Variants in ARFGEF2 observed in about 807,000 individuals in gnomAD.
ARFGEF2 encodes brefeldin A-inhibited guanine nucleotide-exchange protein 2.
Under a neutral mutation model 219.9 loss-of-function variants are expected in ARFGEF2, and 74 were observed. The observed-to-expected ratio is 0.34, with a 90% CI of 0.28 to 0.41. ARFGEF2 has a LOEUF of 0.41. Ranked by LOEUF, ARFGEF2 falls within the 10% of genes least tolerant of loss-of-function variation. The probability of loss-of-function intolerance (pLI) is 1.00; values close to 1 mark genes in which losing one functional copy is unlikely to be tolerated. For synonymous variants in ARFGEF2, 733 were observed against 799.2 expected (o/e 0.92, Z 1.40); for missense variants, 1,743 against 2,218.3 (o/e 0.79, Z 4.30).
chr20:48,976,892 A>G (rs1442651681), intron 14 of ARFGEF2, among the ~76,000 whole-genome samples: 1 of 152,144 alleles, frequency 6.6e-6, no homozygotes. Flanking sequence ...ATTTCAGCAT[A>G]CCAAAACATT....
rs2091344393 is a variant in ARFGEF2, at chr20:48,989,371, G to A, written c.2620G>A (p.Val874Met). 1 of 1,614,252 alleles carries A rather than the reference G, an allele frequency of 6.2e-7. No homozygotes were observed. Residue 874 changes from valine to methionine, a missense_variant, in exon 19 of 39, where the codon GTG becomes ATG. Physicochemically the swap from Val to Met is conservative, Grantham distance 21 (BLOSUM62 1). Around this residue, in one of 5 missense-constraint regions of ARFGEF2, gnomAD observed 666 missense variants for 955.4 expected, o/e 0.70. Transcript: ENST00000371917. ...AKTAKALMEA[V>M]SHAKAPFTSA... The stretch of plus-strand genomic sequence containing the variant: ...AACAGCCAAAGCTCTGATGGAGGCT[G>A]TGAGCCATGCCAAAGCCCCGTTTAC...
intron 2 of ARFGEF2, 126 bp from the exon 3 acceptor site, chr20:48,941,738 T>C: frequency 3.5e-6 from 5 of 1,431,912 alleles, no homozygotes; most frequent in Non-Finnish European, 9.8e-7. Context: ...ATTCAACTTT[T>C]AATGCCTAGC....
intron 14 of ARFGEF2, among the ~76,000 whole-genome samples, chr20:48,977,026 G>A (rs953061351): frequency 2.0e-5 from 3 of 150,756 alleles, no homozygotes; most frequent in Admixed American, 2.0e-4. Context: ...TGTGCACAAC[G>A]TGCAGGTTTG....
At chr20:49,029,989 C>T (rs1442296177) in intron 37 of ARFGEF2, among the ~76,000 whole-genome samples, 1 of 149,384 alleles carries the variant, frequency 6.7e-6, no homozygotes, top group Non-Finnish European at 1.5e-5. Context: ...CTCACTGCCA[C>T]CTCTGCCTCC....
Position 48,988,472 on chromosome 20 carries a change from T to A in ARFGEF2, c.2362-19T>A. 1.9e-6 allele frequency: 3 copies of A among 1,611,014 alleles called. No homozygotes were observed. The East Asian group carries it at 6.7e-5, about 36-fold the overall frequency. The stretch of plus-strand genomic sequence containing the variant: ...AATTGGATGTTTTTTAAATGGTTTT[T>A]AATTTTTTTTAATTACAGGTAAAAA... On this transcript the variant is annotated intron_variant, in intron 17 of 38. Coordinates refer to ENST00000371917, the MANE Select transcript of ARFGEF2 (RefSeq NM_006420.3).
intron 3 of ARFGEF2, among the ~76,000 whole-genome samples, chr20:48,944,297 G>A (rs1431655653): frequency 1.3e-5 from 2 of 152,138 alleles, no homozygotes; most frequent in Non-Finnish European, 2.9e-5. Flanking sequence ...CTTTTGAAGG[G>A]AGTGCTGATA....
intron 35 of ARFGEF2, 43 bp downstream of exon 35, chr20:49,023,224 G>A: frequency 1.2e-6 from 2 of 1,612,284 alleles, no homozygotes; most frequent in Non-Finnish European, 1.7e-6. Context: ...TGTCCATAGG[G>A]AGGTTGCTTT....
chr20:49,013,221 C>T (rs749868831), intron 28 of ARFGEF2, among the ~76,000 whole-genome samples: 2 of 152,116 alleles, frequency 1.3e-5, no homozygotes, highest in Non-Finnish European at 2.9e-5. Context: ...CAGTAACATT[C>T]CAGAAAGACC....
chr20:48,933,877 T>G (rs1415190081), intron 1 of ARFGEF2, among the ~76,000 whole-genome samples: 1 of 152,010 alleles, frequency 6.6e-6, no homozygotes, highest in Non-Finnish European at 1.5e-5. Flanking sequence ...CCCAGCACTT[T>G]GGAAGGCTGA....
chr20:48,973,057 G>C, intron 11 of ARFGEF2, 88 bp from the exon 12 acceptor site: 1 of 1,507,764 alleles, frequency 6.6e-7, no homozygotes, highest in African/African-American at 1.4e-5. Context: ...AGTTCACTGG[G>C]GAAATTTGTT....
At position 48,971,444 on chromosome 20, in the gene ARFGEF2, T is replaced by G; in HGVS notation, c.1425+90T>G. ...TCAATATTGAGAATGCTGCTAATATTACACTAAGCATTAGGAAAATGGTTC... is the reference window on the plus strand; with the variant it reads ...TCAATATTGAGAATGCTGCTAATATGACACTAAGCATTAGGAAAATGGTTC... On this transcript the variant is annotated intron_variant, in intron 10 of 38. Transcript: ENST00000371917. 8 of 1,057,196 alleles carry G rather than the reference T, an allele frequency of 7.6e-6. No homozygotes were observed. In the South Asian group the frequency reaches 1.1e-4, roughly 15 times the overall value. 65.5% of individuals were successfully genotyped at this position (1,057,196 alleles called of 1,614,324 possible).
At chr20:48,979,298 A>G (rs999943044) in intron 14 of ARFGEF2, among the ~76,000 whole-genome samples, 2 of 152,132 alleles carry the variant, frequency 1.3e-5, no homozygotes, top group African/African-American at 4.8e-5. Flanking sequence ...TGTATGTTGA[A>G]CCAGCCTTGC....
chr20:48,997,680 T>A (rs2091400501), intron 23 of ARFGEF2, among the ~76,000 whole-genome samples: 1 of 152,172 alleles, frequency 6.6e-6, no homozygotes, highest in Non-Finnish European at 1.5e-5. Context: ...TACCACATCA[T>A]TTATTTCGGT....
intron 1 of ARFGEF2, among the ~76,000 whole-genome samples, chr20:48,936,690 AATTTTTTTAT>A (rs1742268581): frequency 6.6e-6 from 1 of 151,862 alleles, no homozygotes. Context: ...ACGCCCAGCT[AATTTTTTTAT>A]ATTTTTAGTA....
chr20:49,017,623 G>A, intron 33 of ARFGEF2, 73 bp downstream of exon 33: 1 of 1,521,636 alleles, frequency 6.6e-7, no homozygotes, highest in East Asian at 2.3e-5. Context: ...AGCCTGTATA[G>A]TTTGTACTTT....
chr20:48,996,397 G>A (rs1036198228), intron 23 of ARFGEF2, among the ~76,000 whole-genome samples: 11 of 149,522 alleles, frequency 7.4e-5, no homozygotes, highest in African/African-American at 2.7e-4. Flanking sequence ...AGAGCTTGCA[G>A]TGAGCGGAGA....
chr20:48,937,640 C>G (rs902583422), intron 1 of ARFGEF2, among the ~76,000 whole-genome samples: 22 of 152,134 alleles, frequency 1.4e-4, no homozygotes, highest in Non-Finnish European at 3.1e-4. Flanking sequence ...TTTAGAAAAC[C>G]AAAGAAAATC....
intron 11 of ARFGEF2, 80 bp from the exon 12 acceptor site, chr20:48,973,062 TTTG>T: frequency 1.3e-6 from 2 of 1,545,326 alleles, no homozygotes; most frequent in East Asian, 4.5e-5. Context: ...ACTGGGGAAA[TTTG>T]TTGGCAAACA....
chr20:48,979,004 C>T (rs1170872091), intron 14 of ARFGEF2, among the ~76,000 whole-genome samples: 1 of 152,184 alleles, frequency 6.6e-6, no homozygotes, highest in African/African-American at 2.4e-5. Context: ...GAACTCCCAA[C>T]ACTGTGTTGA....
Sources: gnomAD v4.1 joint callset for allele counts (sites outside exome capture counted in the v4.1 genomes callset) on GRCh38, gnomAD v4.1.1 for gene constraint, gnomAD v4.1.1 regional missense constraint, MANE v1.5 for transcripts, NCBI Gene and HGNC (gene_info 2026-07-23, HGNC 2026-07-21) for gene names.